Variants in HYCC1 observed in about 807,000 individuals in gnomAD.
HYCC1 encodes hyccin PI4KA lipid kinase complex subunit 1.
At chr7:22,964,168 C>T in the HYCC1 span, among the ~76,000 whole-genome samples, 4 of 151,134 alleles carry the variant, frequency 2.6e-5, no homozygotes, top group African/African-American at 9.7e-5. Flanking sequence ...ATTTTCATTC[C>T]GTCCTTGAAT....
the HYCC1 span, among the ~76,000 whole-genome samples, chr7:22,959,509 A>G: frequency 1.3e-5 from 2 of 152,116 alleles, no homozygotes; most frequent in African/African-American, 4.8e-5. Flanking sequence ...GCTTCCCACC[A>G]TGGTTACCTT....
the HYCC1 span, among the ~76,000 whole-genome samples, chr7:22,898,969 G>C: frequency 6.6e-6 from 1 of 152,170 alleles, no homozygotes; most frequent in African/African-American, 2.4e-5. Flanking sequence ...ATACAGGAAG[G>C]TTTATGTGGT....
the HYCC1 span, among the ~76,000 whole-genome samples, chr7:23,006,815 T>C: frequency 1.3e-5 from 2 of 152,184 alleles, no homozygotes; most frequent in South Asian, 2.1e-4. Flanking sequence ...ACACCAAACA[T>C]ATATCACTTA....
chr7:22,951,339 T>C, the HYCC1 span, among the ~76,000 whole-genome samples: 1 of 151,922 alleles, frequency 6.6e-6, no homozygotes, highest in Admixed American at 6.6e-5. Context: ...AATTTATACA[T>C]CTCTGTACTC....
At chr7:22,996,248 A>G in the HYCC1 span, among the ~76,000 whole-genome samples, 5 of 151,314 alleles carry the variant, frequency 3.3e-5, no homozygotes, top group Non-Finnish European at 5.9e-5. Context: ...AGCCAGGATC[A>G]GACCACTGCA....
chr7:22,931,204 A>G, the HYCC1 span, among the ~76,000 whole-genome samples: 2 of 149,854 alleles, frequency 1.3e-5, no homozygotes, highest in African/African-American at 4.9e-5. Flanking sequence ...ATCTAATGAC[A>G]GAGACAGAAT....
At chr7:22,920,029 G>A in the HYCC1 span, among the ~76,000 whole-genome samples, 2 of 152,112 alleles carry the variant, frequency 1.3e-5, no homozygotes, top group African/African-American at 4.8e-5. Flanking sequence ...TGAAAACAAA[G>A]ATAAAAAGGA....
the HYCC1 span, among the ~76,000 whole-genome samples, chr7:22,921,468 G>C: frequency 6.6e-6 from 1 of 151,978 alleles, no homozygotes. Flanking sequence ...ATTACATAAA[G>C]TAATAATTGT....
At chr7:22,978,979 T>C in the HYCC1 span, among the ~76,000 whole-genome samples, 5 of 152,186 alleles carry the variant, frequency 3.3e-5, no homozygotes, top group East Asian at 1.9e-4. Context: ...GACCCTCTTA[T>C]AGGTAAGTAT....
the HYCC1 span, chr7:22,937,361 T>C: frequency 1.3e-5 from 2 of 152,198 alleles, no homozygotes; most frequent in Non-Finnish European, 2.9e-5. Flanking sequence ...CCTACGTTGT[T>C]TTCTGATTAG....
At chr7:22,946,087 C>T in the HYCC1 span, 23 of 1,613,420 alleles carry the variant, frequency 1.4e-5, no homozygotes, top group East Asian at 1.6e-4. Context: ...TGGTACTAGA[C>T]GCAGCCCTGG....
At chr7:22,925,801 G>C in the HYCC1 span, among the ~76,000 whole-genome samples, 1 of 152,142 alleles carries the variant, frequency 6.6e-6, no homozygotes, top group African/African-American at 2.4e-5. Flanking sequence ...AGCAAGGCAG[G>C]CCAACATTCA....
the HYCC1 span, among the ~76,000 whole-genome samples, chr7:22,918,856 C>T: frequency 1.3e-5 from 2 of 152,106 alleles, no homozygotes; most frequent in Non-Finnish European, 2.9e-5. Flanking sequence ...CCCACCTGCA[C>T]CCAGGTGATT....
At chr7:22,937,226 A>T in the HYCC1 span, 12 of 152,238 alleles carry the variant, frequency 7.9e-5, no homozygotes, top group African/African-American at 2.4e-4. Flanking sequence ...TTAAAGATAA[A>T]TGCATGATAG....
chr7:22,902,792 A>G, the HYCC1 span, among the ~76,000 whole-genome samples: 522 of 152,282 alleles, frequency 3.4e-3, 5 homozygotes, highest in African/African-American at 0.012. Context: ...GACTAATATA[A>G]AATCTAAAAC....
the HYCC1 span, among the ~76,000 whole-genome samples, chr7:23,005,663 C>G: frequency 6.6e-6 from 1 of 152,160 alleles, no homozygotes; most frequent in African/African-American, 2.4e-5. Context: ...CTCTCCATGA[C>G]CTTATAAATG....
At chr7:22,981,672 A>G in the HYCC1 span, among the ~76,000 whole-genome samples, 1 of 152,242 alleles carries the variant, frequency 6.6e-6, no homozygotes. Flanking sequence ...ATCTCCAACA[A>G]TATAAATATA....
chr7:22,920,344 A>C, the HYCC1 span, among the ~76,000 whole-genome samples: 1 of 152,166 alleles, frequency 6.6e-6, no homozygotes, highest in Non-Finnish European at 1.5e-5. Context: ...AAAAAATAAT[A>C]ATAAAAATAA....
chr7:22,983,889 A>G, the HYCC1 span: 1 of 1,055,202 alleles, frequency 9.5e-7, no homozygotes, highest in South Asian at 1.3e-5. Flanking sequence ...ACAATAAAAA[A>G]TTAAAAATCA....
Sources: allele counts gnomAD v4.1 joint callset (sites outside exome capture counted in the v4.1 genomes callset), GRCh38; gene constraint gnomAD v4.1.1; transcripts MANE v1.5; gene names NCBI Gene and HGNC (gene_info 2026-07-23, HGNC 2026-07-21).